PHF14: variants seen among roughly 807,000 people sequenced by gnomAD.
PHF14 encodes the protein PHD finger protein 14.
PHF14 carries 55 observed loss-of-function variants against 117.9 expected under a neutral mutation model. That is an observed-to-expected ratio of 0.47 (90% CI 0.38 to 0.58). The LOEUF (loss-of-function observed/expected upper bound fraction) is 0.58. Ranked by LOEUF, PHF14 falls within the 20% of genes least tolerant of loss-of-function variation. The probability of loss-of-function intolerance (pLI) is 0.00; values close to 1 mark genes in which losing one functional copy is unlikely to be tolerated. For missense variants in PHF14, 978 were observed against 1,122.2 expected (o/e 0.87, Z 1.84); for synonymous variants, 409 against 368.6 (o/e 1.11, Z -1.26).
intron 17 of PHF14, among the ~76,000 whole-genome samples, chr7:11,149,575 T>C (rs1788648854): frequency 1.3e-5 from 2 of 152,216 alleles, no homozygotes; most frequent in African/African-American, 4.8e-5. Flanking sequence ...ATCTTTTGAA[T>C]GCAAATTACT....
At chr7:10,992,890 A>C (rs1469886454) in intron 4 of PHF14, among the ~76,000 whole-genome samples, 3 of 152,058 alleles carry the variant, frequency 2.0e-5, no homozygotes, top group South Asian at 4.1e-4. Flanking sequence ...ACAGTCCTTG[A>C]GTTTCTGTCT....
chr7:11,067,945 C>T (rs1785478282), intron 16 of PHF14, among the ~76,000 whole-genome samples: 1 of 152,106 alleles, frequency 6.6e-6, no homozygotes, highest in Non-Finnish European at 1.5e-5. Flanking sequence ...ACGTAAACAC[C>T]TCCCATTAGG....
chr7:10,974,228 C>A lies in PHF14; in HGVS notation c.-96C>A. ...CCGGTTTTAAATAGCATCTTTCGGA[C>A]TTGTCTTCGCGGCCCCAGTCCCCGA... On this transcript the variant is annotated 5_prime_UTR_variant, in exon 1 of 18. Coordinates refer to ENST00000634607, the MANE Select transcript of PHF14 (RefSeq NM_001007157.2). 4 of 1,069,376 alleles carry A rather than the reference C, an allele frequency of 3.7e-6. No homozygotes were observed. The highest frequency in any genetic ancestry group is 1.3e-5 in the South Asian group (1 of 74,686). The allele number at this position is 1,069,376 out of a possible 1,614,324, so 66.2% of individuals were successfully genotyped here. A position where few individuals can be genotyped will look rare whatever the true frequency, so the allele number is the denominator to read the frequency against.
intron 4 of PHF14, among the ~76,000 whole-genome samples, chr7:10,995,629 CG>C (rs1268112781): frequency 2.6e-5 from 4 of 152,190 alleles, no homozygotes; most frequent in Non-Finnish European, 5.9e-5. Flanking sequence ...GCTCAGGCCA[CG>C]CAGGAGCCCA....
At chr7:11,138,685 A>T (rs1445305494) in intron 17 of PHF14, among the ~76,000 whole-genome samples, 1 of 152,220 alleles carries the variant, frequency 6.6e-6, no homozygotes, top group Non-Finnish European at 1.5e-5. Context: ...TCATTCGTGC[A>T]AGTTCTTTAA....
chr7:10,988,018 A>C (rs1371703389), intron 3 of PHF14, among the ~76,000 whole-genome samples: 6 of 141,984 alleles, frequency 4.2e-5, no homozygotes, highest in Admixed American at 1.4e-4. Context: ...CTCCTTCTCA[A>C]AAAAAAAAAA....
chr7:11,144,086 C>T (rs146959015), intron 17 of PHF14, among the ~76,000 whole-genome samples: 1 of 152,142 alleles, frequency 6.6e-6, no homozygotes, highest in East Asian at 1.9e-4. Flanking sequence ...TCTCAAAAGT[C>T]ATACAAGCAG....
chr7:10,989,385 T>C (rs76481989), intron 3 of PHF14, among the ~76,000 whole-genome samples: 2,186 of 152,180 alleles, frequency 0.014, 52 homozygotes, highest in East Asian at 0.11. Flanking sequence ...AAATATATAT[T>C]GTGTATTGTA....
chr7:11,154,279 T>C, intron 17 of PHF14, among the ~76,000 whole-genome samples: 1 of 152,190 alleles, frequency 6.6e-6, no homozygotes, highest in Middle Eastern at 3.2e-3. Flanking sequence ...AGTATGTGTG[T>C]GTGTGTCTGT....
At chr7:11,141,702 G>A (rs984897183) in intron 17 of PHF14, among the ~76,000 whole-genome samples, 1 of 151,920 alleles carries the variant, frequency 6.6e-6, no homozygotes, top group African/African-American at 2.4e-5. Context: ...GTTTCGTGTT[G>A]CATCAGTGAC....
At chr7:11,041,483 TATATG>T (rs1784504597) in intron 12 of PHF14, among the ~76,000 whole-genome samples, 1 of 151,702 alleles carries the variant, frequency 6.6e-6, no homozygotes, top group Non-Finnish European at 1.5e-5. Flanking sequence ...TATGCATACA[TATATG>T]TTATGCATGT....
chr7:11,063,487 G>C (rs1785310924), intron 16 of PHF14: 1 of 982,356 alleles, frequency 1.0e-6, no homozygotes, highest in Non-Finnish European at 1.2e-6. Context: ...TTGGGGTTGA[G>C]GGTGGAGTTG....
chr7:11,140,719 G>T (rs1788375686), intron 17 of PHF14, among the ~76,000 whole-genome samples: 1 of 152,074 alleles, frequency 6.6e-6, no homozygotes, highest in Non-Finnish European at 1.5e-5. Context: ...TTTAAACATG[G>T]TCAAATAATA....
chr7:11,087,995 T>C (rs1452088895), intron 16 of PHF14, among the ~76,000 whole-genome samples: 1 of 152,206 alleles, frequency 6.6e-6, no homozygotes, highest in Non-Finnish European at 1.5e-5. Flanking sequence ...TAGTCCACTT[T>C]GTTTAATTCA....
chr7:11,157,688 A>G (rs1788906544), intron 17 of PHF14, among the ~76,000 whole-genome samples: 1 of 152,190 alleles, frequency 6.6e-6, no homozygotes, highest in Non-Finnish European at 1.5e-5. Flanking sequence ...TTAAACTGCA[A>G]GCGTTTAAAA....
At chr7:11,000,084 A>G (rs1782807496) in intron 4 of PHF14, among the ~76,000 whole-genome samples, 1 of 152,300 alleles carries the variant, frequency 6.6e-6, no homozygotes, top group East Asian at 1.9e-4. Context: ...ATTTTGTATA[A>G]TTAATTTATT....
At chr7:11,001,623 G>T (rs1391571574) in intron 4 of PHF14, among the ~76,000 whole-genome samples, 1 of 48,892 alleles carries the variant, frequency 2.0e-5, no homozygotes, top group Non-Finnish European at 4.8e-5. Context: ...TTATTTTTTG[G>T]GGGGTGCTAA....
intron 16 of PHF14, among the ~76,000 whole-genome samples, chr7:11,088,059 C>T (rs1272032066): frequency 2.0e-5 from 3 of 151,726 alleles, no homozygotes; most frequent in African/African-American, 7.3e-5. Flanking sequence ...CCTCCATATC[C>T]GTGGGGCATT....
At chr7:11,000,624 C>T (rs773070633) in intron 4 of PHF14, among the ~76,000 whole-genome samples, 2 of 152,160 alleles carry the variant, frequency 1.3e-5, no homozygotes, top group African/African-American at 4.8e-5. Flanking sequence ...CAGGCGTGAG[C>T]CACCACACCC....
Sources: gnomAD v4.1 joint callset for allele counts (sites outside exome capture counted in the v4.1 genomes callset) on GRCh38, gnomAD v4.1.1 for gene constraint, MANE v1.5 for transcripts, NCBI Gene and HGNC (gene_info 2026-07-23, HGNC 2026-07-21) for gene names.